The following NOL4L variants were observed in gnomAD, a reference collection of about 807,000 sequenced individuals.
The protein encoded by NOL4L is nucleolar protein 4-like.
A neutral mutation model predicts 64.5 loss-of-function variants in NOL4L; 7 were observed. The ratio of observed to expected loss-of-function variants is 0.11; its 90% CI spans 0.06 to 0.20. The LOEUF (loss-of-function observed/expected upper bound fraction) is 0.20, where lower values mean the gene tolerates loss of function less well. Among genes scored for constraint, NOL4L ranks in the 10% least tolerant of loss-of-function variants. The pLI, the probability that NOL4L is intolerant of heterozygous loss-of-function variation, is 1.00. For synonymous variants in NOL4L, 413 were observed against 401.0 expected (o/e 1.03, Z -0.36); for missense variants, 680 against 967.1 (o/e 0.70, Z 3.94).
chr20:32,482,725 C>T (rs2015812604), intron 4 of NOL4L, among the ~76,000 whole-genome samples: 1 of 151,740 alleles, frequency 6.6e-6, no homozygotes, highest in African/African-American at 2.4e-5. Context: ...CGGGAGGGAC[C>T]CGGGCCTGCT....
intron 3 of NOL4L, among the ~76,000 whole-genome samples, chr20:32,519,123 C>T (rs892631109): frequency 2.6e-5 from 4 of 152,308 alleles, no homozygotes; most frequent in Admixed American, 2.0e-4. Flanking sequence ...AGCCCTGGAG[C>T]CCTGTTCTTA....
intron 1 of NOL4L, among the ~76,000 whole-genome samples, chr20:32,579,014 G>T (rs552549458): frequency 2.0e-5 from 3 of 152,360 alleles, no homozygotes; most frequent in Admixed American, 1.3e-4. Flanking sequence ...GCTTCAGCCA[G>T]CTGCTGAGAC....
At chr20:32,461,657 C>A (rs1274005038) in intron 5 of NOL4L, among the ~76,000 whole-genome samples, 1 of 151,478 alleles carries the variant, frequency 6.6e-6, no homozygotes, top group African/African-American at 2.4e-5. Context: ...CTCCTGACCT[C>A]GTGATCCACC....
At chr20:32,564,776 G>C (rs765974989) in intron 1 of NOL4L, among the ~76,000 whole-genome samples, 34 of 152,348 alleles carry the variant, frequency 2.2e-4, no homozygotes, top group Non-Finnish European at 4.3e-4. Context: ...TTGCTCCTTC[G>C]AGGGGTCCAG....
chr20:32,452,308 A>G lies in NOL4L; in HGVS notation c.1750T>C (p.Tyr584His). The change falls in exon 10 of 11, where the codon TAC becomes CAC. Residue 584 changes from tyrosine to histidine, a missense_variant. Transcript: ENST00000621426. ...CTGCTCAAGGCCCCGTACCCGCGGT[A>G]ACTGTAGTTGAGGCCGCCGTTGGCG... Reference protein sequence around the residue: ...VYANGGLNYSYRGYGALSSNL... With the variant: ...VYANGGLNYSHRGYGALSSNL... The G allele has an allele frequency of 6.2e-7, 1 of 1,608,502 alleles. No homozygotes were observed. Among genetic ancestry groups the G allele is most frequent in the Non-Finnish European group, 8.5e-7 (1 of 1,177,056 alleles).
At chr20:32,469,950 C>T (rs2014879462) in intron 5 of NOL4L, among the ~76,000 whole-genome samples, 1 of 152,244 alleles carries the variant, frequency 6.6e-6, no homozygotes, top group Admixed American at 6.5e-5. Context: ...CAGACTCAGG[C>T]CTGCACAGTG....
chr20:32,578,138 A>AGGAGGGAGGGAG lies in NOL4L; in HGVS notation c.321+6420_321+6431dup, dbSNP rs1203991256. On this transcript the variant is annotated intron_variant, in intron 1 of 10. Coordinates refer to ENST00000621426, the MANE Select transcript of NOL4L (RefSeq NM_001256798.2). ...AAGGAAGGAAGGAAGGAAGGAAGGA[A>AGGAGGGAGGGAG]GGAGGGAGGGAGGGAGGGAGGGAGG... 2.3e-3 allele frequency among the ~76,000 whole-genome samples: 115 copies of AGGAGGGAGGGAG among 50,222 alleles called. 5 individuals are homozygous for AGGAGGGAGGGAG. The highest frequency in any genetic ancestry group is 0.01 in the African/African-American group (87 of 8,316). 32.9% of individuals were successfully genotyped at this position (50,222 alleles called of 152,430 possible).
chr20:32,584,133 G>GCACACACACACACA lies in NOL4L; in HGVS notation c.321+423_321+436dup, dbSNP rs745461984. Among the ~76,000 whole-genome samples, 157 of 88,804 alleles carry GCACACACACACACA rather than the reference G, an allele frequency of 1.8e-3. 2 individuals carry two copies. Among genetic ancestry groups the GCACACACACACACA allele is most frequent in the African/African-American group, 7.5e-3 (144 of 19,150 alleles). 58.3% of individuals were successfully genotyped at this position (88,804 alleles called of 152,430 possible). ...CCCCGCGGCACCACCCTCCGCGCGC[G>GCACACACACACACA]CACACACACACACACACACACACAC... On this transcript the variant is annotated intron_variant, in intron 1 of 10. Transcript: ENST00000621426.
At chr20:32,551,147 A>G (rs540268246) in intron 1 of NOL4L, among the ~76,000 whole-genome samples, 159 of 152,178 alleles carry the variant, frequency 1.0e-3, no homozygotes, top group Non-Finnish European at 1.8e-3. Flanking sequence ...AGGCCAAGGT[A>G]GGTGGATCAC....
In NOL4L at chr20:32,447,674, G is replaced by T; in HGVS notation, c.1965C>A (p.Ile655=). Residue 655 remains isoleucine, a synonymous_variant, in exon 11 of 11, where the codon ATC becomes ATA. Transcript: ENST00000621426. ...AGGCAGCAGACTCCCGGTAGCCCGCGATGAGCTGCCGCACGGCGCTGATCT... is the reference window on the plus strand; with the variant it reads ...AGGCAGCAGACTCCCGGTAGCCCGCTATGAGCTGCCGCACGGCGCTGATCT... The part of the protein sequence containing the change: ...PTEISAVRQL[I]AGYRESAAFL... The T allele has an allele frequency of 6.2e-7, 1 of 1,611,752 alleles. No individual in the cohort carries two copies. The highest frequency in any genetic ancestry group is 8.5e-7 in the Non-Finnish European group (1 of 1,179,516).
intron 1 of NOL4L, among the ~76,000 whole-genome samples, chr20:32,571,230 C>T (rs1269201269): frequency 2.0e-5 from 3 of 152,178 alleles, no homozygotes; most frequent in Admixed American, 2.0e-4. Context: ...CTCTGTCGCC[C>T]AGGCTGGAGT....
intron 4 of NOL4L, among the ~76,000 whole-genome samples, chr20:32,488,189 CA>C (rs1300144062): frequency 6.6e-6 from 1 of 152,182 alleles, no homozygotes; most frequent in Admixed American, 6.5e-5. Context: ...CTTGGCCTTC[CA>C]AAGACCCACT....
At chr20:32,553,977 TG>T (rs1978470586) in intron 1 of NOL4L, among the ~76,000 whole-genome samples, 1 of 152,188 alleles carries the variant, frequency 6.6e-6, no homozygotes, top group African/African-American at 2.4e-5. Flanking sequence ...ACTTTGTAAC[TG>T]TAAATCTAAA....
rs1050751344 is a variant in NOL4L at position 32,444,032 on chromosome 20, T to C, written c.*3564A>G. 1.2e-4 allele frequency: 18 copies of C among 152,338 alleles called. No individual in the cohort carries two copies. Among genetic ancestry groups the C allele is most frequent in the African/African-American group, 4.3e-4 (18 of 41,564 alleles). 9.4% of individuals were successfully genotyped at this position (152,338 alleles called of 1,614,324 possible). ...TAGGTAAAAAGTGAGAGGTTTTTGT[T>C]TGTGGCTTTGCTAAGCAGATGAGCT... On this transcript the variant is annotated 3_prime_UTR_variant, in exon 11 of 11. Transcript: ENST00000621426.
intron 1 of NOL4L, among the ~76,000 whole-genome samples, chr20:32,578,359 C>T (rs1980259869): frequency 6.6e-6 from 1 of 152,118 alleles, no homozygotes; most frequent in East Asian, 1.9e-4. Context: ...TGCTTCTTTA[C>T]CTGCTTTGGG....
chr20:32,576,058 G>A (rs1281110855), intron 1 of NOL4L, among the ~76,000 whole-genome samples: 1 of 152,242 alleles, frequency 6.6e-6, no homozygotes, highest in Non-Finnish European at 1.5e-5. Flanking sequence ...GGAATTGAGA[G>A]CAGTGGGCAG....
At chr20:32,481,048 G>A (rs547834446) in intron 4 of NOL4L, among the ~76,000 whole-genome samples, 2 of 152,248 alleles carry the variant, frequency 1.3e-5, no homozygotes, top group East Asian at 3.9e-4. Context: ...AGGCATTCTC[G>A]CTCTCTCTCC....
chr20:32,479,170 G>T (rs888044039), intron 4 of NOL4L, among the ~76,000 whole-genome samples: 1 of 152,218 alleles, frequency 6.6e-6, no homozygotes, highest in Non-Finnish European at 1.5e-5. Flanking sequence ...TAATCACACA[G>T]GCAGTTACAA....
Position 32,584,594 on chromosome 20 carries a change from C to T in NOL4L, c.297G>A (p.Val99=). ...CCGAGCCCGTCTTGACCGGCACATA[C>T]ACCACTTGGCCCATCTTGGGTTCCC... is the stretch of plus-strand genomic sequence containing the variant. ...SGREPKMGQV[V]YVPVKTGSGA... is the part of the protein sequence containing the mutation. Residue 99 remains valine (V), a synonymous_variant, in exon 1 of 11, where the codon GTG becomes GTA. Coordinates refer to ENST00000621426, the MANE Select transcript of NOL4L (RefSeq NM_001256798.2). The T allele has an allele frequency of 6.8e-7, 1 of 1,477,052 alleles. No individual in the cohort carries two copies. Among genetic ancestry groups the T allele is most frequent in the Non-Finnish European group, 9.1e-7 (1 of 1,103,942 alleles). The allele number at this position is 1,477,052 out of a possible 1,614,324, so 91.5% of individuals were successfully genotyped here.
Sources: gnomAD v4.1 joint callset for allele counts (sites outside exome capture counted in the v4.1 genomes callset) on GRCh38, gnomAD v4.1.1 for gene constraint, MANE v1.5 for transcripts, NCBI Gene and HGNC (gene_info 2026-07-23, HGNC 2026-07-21) for gene names.